The following DEFB127 variants were observed in gnomAD, a reference collection of about 807,000 sequenced individuals.
The protein encoded by DEFB127 is defensin beta 127.
A neutral mutation model predicts 2.4 loss-of-function variants in DEFB127; 2 were observed. The observed-to-expected ratio is 0.82, with a 90% CI of 0.34 to 2.58. The LOEUF is 2.58. Among genes scored for constraint, DEFB127 ranks in the 30% most tolerant of loss-of-function variants. The probability of loss-of-function intolerance (pLI) is 0.11; values close to 1 mark genes in which losing one functional copy is unlikely to be tolerated. For missense variants in DEFB127, 110 were observed against 113.2 expected (o/e 0.97, Z 0.13); for synonymous variants, 37 against 39.8 (o/e 0.93, Z 0.26).
intron 1 of DEFB127, among the ~76,000 whole-genome samples, chr20:158,256 C>T (rs2054710999): frequency 6.6e-6 from 1 of 152,126 alleles, no homozygotes; most frequent in African/African-American, 2.4e-5. Flanking sequence ...CTCTACATTC[C>T]TAAGACCCAA....
In DEFB127 at chr20:159,066, TAATAAA is replaced by T; in HGVS notation, c.*43_*48del. The stretch of plus-strand genomic sequence containing the variant: ...TTTTCACTTGCTTCTCAACCTAGTC[TAATAAA>T]CTAAGGTGATGAGATATACATCTTC... On this transcript the variant is annotated 3_prime_UTR_variant, in exon 2 of 2. Coordinates refer to ENST00000382388, the MANE Select transcript of DEFB127 (RefSeq NM_139074.4). 1 of 1,553,788 alleles carries T rather than the reference TAATAAA, an allele frequency of 6.4e-7. No homozygotes were observed. The highest frequency in any genetic ancestry group is 2.2e-5 in the East Asian group (1 of 44,514).
At position 159,061 on chromosome 20, in the gene DEFB127, T is replaced by C. The variant is rs2054715116; in HGVS notation, c.*37T>C. 1 of 1,564,082 alleles carries C rather than the reference T, an allele frequency of 6.4e-7. No individual in the cohort carries two copies. Among genetic ancestry groups the C allele is most frequent in the African/African-American group, 1.4e-5 (1 of 73,236 alleles). ...TTTCGTTTTCACTTGCTTCTCAACC[T>C]AGTCTAATAAACTAAGGTGATGAGA... On this transcript the variant is annotated 3_prime_UTR_variant, in exon 2 of 2. Transcript: ENST00000382388.
chr20:158,031 T>C (rs1229149577), intron 1 of DEFB127, among the ~76,000 whole-genome samples: 1 of 152,082 alleles, frequency 6.6e-6, no homozygotes, highest in African/African-American at 2.4e-5. Flanking sequence ...TCTACTAGTT[T>C]GTCAACTTTA....
chr20:157,872 C>A (rs1330573943), intron 1 of DEFB127, among the ~76,000 whole-genome samples: 3 of 151,860 alleles, frequency 2.0e-5, no homozygotes, highest in East Asian at 3.9e-4. Context: ...ACCTTTATGT[C>A]TTTGGATATG....
At position 158,981 on chromosome 20, in the gene DEFB127, CAAT is replaced by C; in HGVS notation, c.262_264del (p.Ile88del). On this transcript the variant is annotated inframe_deletion, in exon 2 of 2. Transcript: ENST00000382388. ...GCACTGACTCTTCAAGACTATGTTA[CAAT>C]AATAGAAAATTTCCCAAGCCTGAAG... 1 of 1,611,230 alleles carries C rather than the reference CAAT, an allele frequency of 6.2e-7. No individual in the cohort carries two copies.
Position 159,056 on chromosome 20 carries a change from C to A in DEFB127, c.*32C>A. On this transcript the variant is annotated 3_prime_UTR_variant, in exon 2 of 2. Coordinates refer to ENST00000382388, the MANE Select transcript of DEFB127 (RefSeq NM_139074.4). ...TACAATTTCGTTTTCACTTGCTTCT[C>A]AACCTAGTCTAATAAACTAAGGTGA... is the stretch of plus-strand genomic sequence containing the variant. 1 of 1,571,812 alleles carries A rather than the reference C, an allele frequency of 6.4e-7. No individual in the cohort carries two copies. The highest frequency in any genetic ancestry group is 1.2e-5 in the South Asian group (1 of 82,888).
At chr20:157,647 GAGCC>G (rs2054707912) in intron 1 of DEFB127, 54 bp downstream of exon 1, 1 of 1,596,738 alleles carries the variant, frequency 6.3e-7, no homozygotes, top group East Asian at 2.2e-5. Flanking sequence ...GCATTTTCAG[GAGCC>G]AAAGGGAACT....
At chr20:157,931 ATGTGTG>A (rs1190932870) in intron 1 of DEFB127, among the ~76,000 whole-genome samples, 29 of 21,176 alleles carry the variant, frequency 1.4e-3, no homozygotes, top group East Asian at 0.029. Context: ...AAATATATAT[ATGTGTG>A]TGTGTGTGTG....
intron 1 of DEFB127, among the ~76,000 whole-genome samples, chr20:157,929 ATATGTG>A (rs1489098277): frequency 0.015 from 1,900 of 130,338 alleles, 22 homozygotes; most frequent in East Asian, 0.1. Flanking sequence ...TCAAATATAT[ATATGTG>A]TGTGTGTGTG....
At chr20:157,931 ATGTG>A (rs1190932870) in intron 1 of DEFB127, among the ~76,000 whole-genome samples, 28 of 21,174 alleles carry the variant, frequency 1.3e-3, no homozygotes, top group African/African-American at 1.7e-3. Context: ...AAATATATAT[ATGTG>A]TGTGTGTGTG....
chr20:159,028 A>ATTTGATT lies in DEFB127; in HGVS notation c.*4_*5insTTTGATT, dbSNP rs779760058. On this transcript the variant is annotated 3_prime_UTR_variant, in exon 2 of 2. Transcript: ENST00000382388. ...CCTGAAGACACAGTCTACATAAATC[A>ATTTGATT]AATACAATTTCGTTTTCACTTGCTT... is the stretch of plus-strand genomic sequence containing the variant. The ATTTGATT allele has an allele frequency of 6.9e-6, 11 of 1,593,122 alleles. No homozygotes were observed. The highest frequency in any genetic ancestry group is 8.5e-6 in the Non-Finnish European group (10 of 1,171,536).
chr20:158,638 C>G (rs1043870874), intron 1 of DEFB127, 136 bp from the exon 2 acceptor site: 4 of 850,934 alleles, frequency 4.7e-6, no homozygotes, highest in Non-Finnish European at 7.1e-6. Flanking sequence ...GGAAAATCCT[C>G]TTCAGAATAT....
chr20:158,300 A>G (rs2123028146), intron 1 of DEFB127, among the ~76,000 whole-genome samples: 1 of 152,284 alleles, frequency 6.6e-6, no homozygotes, highest in African/African-American at 2.4e-5. Context: ...CATGAAAGTC[A>G]TTCTTGACCC....
chr20:157,670 C>A, intron 1 of DEFB127, 77 bp downstream of exon 1: 1 of 1,523,374 alleles, frequency 6.6e-7, no homozygotes, highest in Non-Finnish European at 9.1e-7. Context: ...CTTCATAATC[C>A]ACACTAAAGG....
rs760576012 is a variant in DEFB127, at chr20:159,008, A to C, written c.284A>C (p.Lys95Thr). The part of the protein sequence containing the change: ...VTIIENFPSL[K>T]TQST ...ATAATAGAAAATTTCCCAAGCCTGA[A>C]GACACAGTCTACATAAATCAAATAC... is the stretch of plus-strand genomic sequence containing the variant. Residue 95 changes from lysine to threonine, a missense_variant, in exon 2 of 2, where the codon AAG becomes ACG. Transcript: ENST00000382388. The C allele has an allele frequency of 3.1e-6, 5 of 1,609,902 alleles. No individual in the cohort carries two copies. In the African/African-American group the frequency reaches 6.7e-5, roughly 22 times the overall value.
chr20:157,505 A>G lies in DEFB127; in HGVS notation c.-40A>G, dbSNP rs750606394. 1 of 1,609,858 alleles carries G rather than the reference A, an allele frequency of 6.2e-7. No homozygotes were observed. The highest frequency in any genetic ancestry group is 8.5e-7 in the Non-Finnish European group (1 of 1,177,772). ...GGTAGCATAGTGTGCAGTTCACTGGACCAAAAGCTTTGGCTGCACCTCTTC... is the reference window on the plus strand; with the variant it reads ...GGTAGCATAGTGTGCAGTTCACTGGGCCAAAAGCTTTGGCTGCACCTCTTC... On this transcript the variant is annotated 5_prime_UTR_variant, in exon 1 of 2. Transcript: ENST00000382388.
chr20:158,795 G>A lies in DEFB127; in HGVS notation c.71G>A (p.Cys24Tyr). 6.2e-7 allele frequency: 1 copy of A among 1,612,752 alleles called. No homozygotes were observed. The highest frequency in any genetic ancestry group is 2.2e-5 in the East Asian group (1 of 44,876). Residue 24 changes from cysteine to tyrosine, a missense_variant, in exon 2 of 2, where the codon TGC becomes TAC. Physicochemically the swap from Cys to Tyr is radical, Grantham distance 194. Coordinates refer to ENST00000382388, the MANE Select transcript of DEFB127 (RefSeq NM_139074.4). ...ATAGTAACCGAACAACTTAAGAAGTGCTGGAATAACTATGTACAAGGACAT... is the reference window on the plus strand; with the variant it reads ...ATAGTAACCGAACAACTTAAGAAGTACTGGAATAACTATGTACAAGGACAT... ...KPTVTEQLKK[C>Y]WNNYVQGHCR... is the part of the protein sequence containing the mutation.
chr20:158,902 C>A lies in DEFB127; in HGVS notation c.178C>A (p.Leu60Met), dbSNP rs919681855. The change falls in exon 2 of 2, where the codon CTG becomes ATG. Residue 60 changes from leucine to methionine, a missense_variant. By Grantham distance (15) the Leu-to-Met change is conservative. Transcript: ENST00000382388. ...ATACTGTTGCCTCAATATCAAGGAA[C>A]TGGAAGCATGTAAAAAAATTACAAA... ...GRYCCLNIKELEACKKITKPP... is the reference protein window; with the variant it reads ...GRYCCLNIKEMEACKKITKPP... The A allele has an allele frequency of 3.7e-6, 6 of 1,613,654 alleles. No individual in the cohort carries two copies. In the Admixed American group the frequency reaches 5.0e-5, roughly 13 times the overall value.
At position 158,963 on chromosome 20, in the gene DEFB127, C is replaced by T; in HGVS notation, c.239C>T (p.Thr80Ile). The change falls in exon 2 of 2, where the codon ACT (threonine) becomes ATT (isoleucine). Residue 80 changes from threonine (T) to isoleucine (I), a missense_variant. Thr to Ile is a moderately conservative substitution (Grantham distance 89). Coordinates refer to ENST00000382388, the MANE Select transcript of DEFB127 (RefSeq NM_139074.4). ...CCAAAGCCAGCAACACTTGCACTGA[C>T]TCTTCAAGACTATGTTACAATAATA... is the stretch of plus-strand genomic sequence containing the variant. The part of the protein sequence containing the change: ...PRPKPATLAL[T>I]LQDYVTIIEN... The T allele has an allele frequency of 1.2e-6, 2 of 1,613,322 alleles. No homozygotes were observed. The highest frequency in any genetic ancestry group is 1.7e-6 in the Non-Finnish European group (2 of 1,179,618).
Sources: allele counts gnomAD v4.1 joint callset (sites outside exome capture counted in the v4.1 genomes callset), GRCh38; gene constraint gnomAD v4.1.1; transcripts MANE v1.5; gene names NCBI Gene and HGNC (gene_info 2026-07-23, HGNC 2026-07-21).